Variants in TCERG1L observed in about 807,000 individuals in gnomAD.
TCERG1L encodes transcription elongation regulator 1 like, also known as transcription elongation regulator 1-like protein.
In TCERG1L, 37 loss-of-function variants were observed where a neutral mutation model predicts 56.3. The observed-to-expected ratio is 0.66, with a 90% CI of 0.51 to 0.87. The LOEUF is 0.87. Ranked by LOEUF, TCERG1L falls within the 40% of genes least tolerant of loss-of-function variation. The pLI is 0.00. For synonymous variants in TCERG1L, 324 were observed against 326.3 expected (o/e 0.99, Z 0.08); for missense variants, 799 against 774.2 (o/e 1.03, Z -0.38).
intron 9 of TCERG1L, among the ~76,000 whole-genome samples, chr10:131,106,903 C>A (rs150011623): frequency 6.6e-6 from 1 of 152,190 alleles, no homozygotes; most frequent in Non-Finnish European, 1.5e-5. Context: ...GTAATACCCA[C>A]GAGCTCTTTT....
At chr10:131,299,224 G>C (rs771918034) in intron 3 of TCERG1L, among the ~76,000 whole-genome samples, 41 of 152,112 alleles carry the variant, frequency 2.7e-4, no homozygotes, top group Non-Finnish European at 5.7e-4. Context: ...CTTATAAAAA[G>C]TGAGTTTTTT....
intron 9 of TCERG1L, among the ~76,000 whole-genome samples, chr10:131,109,265 C>A (rs1845385970): frequency 6.6e-6 from 1 of 152,208 alleles, no homozygotes; most frequent in Admixed American, 6.5e-5. Context: ...CCCTTTCCTG[C>A]AGAAGTTTGT....
intron 4 of TCERG1L, among the ~76,000 whole-genome samples, chr10:131,206,423 C>T (rs1024373426): frequency 6.6e-6 from 1 of 152,208 alleles, no homozygotes; most frequent in African/African-American, 2.4e-5. Flanking sequence ...AATCCACCTG[C>T]CTCACCTGAG....
intron 4 of TCERG1L, among the ~76,000 whole-genome samples, chr10:131,205,853 G>A (rs1845517835): frequency 6.6e-6 from 1 of 152,230 alleles, no homozygotes; most frequent in Non-Finnish European, 1.5e-5. Context: ...GGGAGCCCCT[G>A]GGATGGACCC....
chr10:131,272,312 G>A (rs556225411), intron 3 of TCERG1L, among the ~76,000 whole-genome samples: 5 of 152,322 alleles, frequency 3.3e-5, no homozygotes, highest in East Asian at 1.9e-4. Flanking sequence ...GGACACGTGC[G>A]TTTGAACTGC....
intron 10 of TCERG1L, among the ~76,000 whole-genome samples, chr10:131,099,018 A>G (rs1296183465): frequency 1.3e-5 from 2 of 152,218 alleles, no homozygotes; most frequent in African/African-American, 4.8e-5. Context: ...CTCAGGGTGC[A>G]TAAGTGGTCT....
chr10:131,195,669 C>T (rs1589743803), intron 4 of TCERG1L, among the ~76,000 whole-genome samples: 1 of 152,188 alleles, frequency 6.6e-6, no homozygotes, highest in East Asian at 1.9e-4. Flanking sequence ...GGGCTGTGGT[C>T]CTGGCACATG....
rs961991994 is a variant in TCERG1L, at chr10:131,302,428, A to G, written c.670+5783T>C. On this transcript the variant is annotated intron_variant, in intron 3 of 11. Coordinates refer to ENST00000368642, the MANE Select transcript of TCERG1L (RefSeq NM_174937.4). The stretch of plus-strand genomic sequence containing the variant: ...CTTACATATATTGACTTATTTTCCA[A>G]CCTGACTCTGGTATAATATTATGAG... Among the ~76,000 whole-genome samples the G allele has an allele frequency of 1.5e-4, 23 of 151,668 alleles. 1 individual carries two copies. Among genetic ancestry groups the G allele is most frequent in the African/African-American group, 5.3e-4 (22 of 41,250 alleles).
intron 3 of TCERG1L, among the ~76,000 whole-genome samples, chr10:131,294,437 C>T (rs535046453): frequency 6.6e-6 from 1 of 152,268 alleles, no homozygotes; most frequent in East Asian, 1.9e-4. Flanking sequence ...AAAATCTGAG[C>T]CTTTCCTTCA....
At chr10:131,275,849 C>T (rs1479747667) in intron 3 of TCERG1L, among the ~76,000 whole-genome samples, 1 of 152,214 alleles carries the variant, frequency 6.6e-6, no homozygotes, top group Non-Finnish European at 1.5e-5. Flanking sequence ...GCAGTAGGCT[C>T]TCTGGAACTG....
intron 4 of TCERG1L, among the ~76,000 whole-genome samples, chr10:131,182,703 C>T (rs1410357678): frequency 6.6e-6 from 1 of 152,326 alleles, no homozygotes; most frequent in Admixed American, 6.5e-5. Context: ...CATATCAAGT[C>T]GGCTCTGACT....
intron 3 of TCERG1L, among the ~76,000 whole-genome samples, chr10:131,277,192 A>C (rs1846402311): frequency 6.6e-6 from 1 of 152,148 alleles, no homozygotes; most frequent in African/African-American, 2.4e-5. Flanking sequence ...CACACTCAGA[A>C]CTGTCTGCTC....
chr10:131,282,116 A>C (rs1256469497), intron 3 of TCERG1L, among the ~76,000 whole-genome samples: 1 of 142,454 alleles, frequency 7.0e-6, no homozygotes, highest in Non-Finnish European at 1.5e-5. Context: ...GGCCTGGGCG[A>C]AAGAGCAAGA....
Position 131,260,385 on chromosome 10 carries a change from CGGCGGT to C in TCERG1L, c.724_729del (p.Thr242_Ala243del), listed in dbSNP as rs1564828150. The C allele has an allele frequency of 6.7e-7, 1 of 1,488,006 alleles. No individual in the cohort carries two copies. The highest frequency in any genetic ancestry group is 1.5e-5 in the African/African-American group (1 of 67,764). The allele number at this position is 1,488,006 out of a possible 1,614,324, so 92.2% of individuals were successfully genotyped here. A position where few individuals can be genotyped will look rare whatever the true frequency, so the allele number is the denominator to read the frequency against. On this transcript the variant is annotated inframe_deletion, in exon 4 of 12. Coordinates refer to ENST00000368642, the MANE Select transcript of TCERG1L (RefSeq NM_174937.4). The surrounding 1 kb of genome is among the most constrained non-coding windows in gnomAD (Gnocchi z 5.8). ...TCCACGGAGACCATGGCAGCGGCGG[CGGCGGT>C]GGCGATGGCAATGGCGGGGCTGCTG...
chr10:131,134,314 T>G (rs1359286686), intron 8 of TCERG1L, 65 bp downstream of exon 8: 4 of 1,437,720 alleles, frequency 2.8e-6, no homozygotes, highest in Non-Finnish European at 3.8e-6. Flanking sequence ...ATGATGCCTT[T>G]TCTTTCTACA....
At chr10:131,133,838 C>A (rs1845646326) in intron 8 of TCERG1L, among the ~76,000 whole-genome samples, 1 of 152,206 alleles carries the variant, frequency 6.6e-6, no homozygotes, top group Non-Finnish European at 1.5e-5. Context: ...GGAAGGAGAG[C>A]TTCCCACTGG....
At chr10:131,230,348 C>G (rs11815083) in intron 4 of TCERG1L, among the ~76,000 whole-genome samples, 143 of 152,362 alleles carry the variant, frequency 9.4e-4, no homozygotes, top group African/African-American at 3.3e-3. Context: ...TGTGACCCAG[C>G]TTTCCCGTGG....
At chr10:131,212,152 T>C (rs1351345158) in intron 4 of TCERG1L, among the ~76,000 whole-genome samples, 2 of 152,180 alleles carry the variant, frequency 1.3e-5, no homozygotes, top group African/African-American at 4.8e-5. Flanking sequence ...AAGTGCAGGC[T>C]AAGGTTGTGT....
At chr10:131,203,579 G>T (rs1845477991) in intron 4 of TCERG1L, among the ~76,000 whole-genome samples, 1 of 152,196 alleles carries the variant, frequency 6.6e-6, no homozygotes, top group Non-Finnish European at 1.5e-5. Context: ...CGAAGATGGT[G>T]CGTCTCTCCC....
Sources: gnomAD v4.1 joint callset for allele counts (sites outside exome capture counted in the v4.1 genomes callset) on GRCh38, gnomAD v4.1.1 for gene constraint, Gnocchi (gnomAD v3.1) non-coding constraint, MANE v1.5 for transcripts, NCBI Gene and HGNC (gene_info 2026-07-23, HGNC 2026-07-21) for gene names.